The following NUCKS1 variants were observed in gnomAD, a reference collection of about 807,000 sequenced individuals.
The protein encoded by NUCKS1 is nuclear casein kinase and cyclin dependent kinase substrate 1, also known as nuclear ubiquitous casein and cyclin-dependent kinase substrate 1.
In NUCKS1, 2 loss-of-function variants were observed where a neutral mutation model predicts 33.0. That is an observed-to-expected ratio of 0.06 (90% confidence interval 0.02 to 0.19). NUCKS1 has a LOEUF of 0.19. Among genes scored for constraint, NUCKS1 ranks in the 10% least tolerant of loss-of-function variants. NUCKS1 has a pLI of 1.00. For missense variants in NUCKS1, 201 were observed against 293.6 expected, an observed-to-expected ratio of 0.68 and a Z score of 2.31; for synonymous variants, 106 against 102.8, an observed-to-expected ratio of 1.03 and a Z score of -0.19.
chr1:205,742,506 G>C (rs1259193939), intron 1 of NUCKS1, among the ~76,000 whole-genome samples: 1 of 152,160 alleles, frequency 6.6e-6, no homozygotes. Flanking sequence ...TTTGACCGAA[G>C]TGGTCTTGTG....
rs972556139 is a variant in NUCKS1, at chr1:205,738,478, G to C, written c.18-8857C>G. Among the ~76,000 whole-genome samples the C allele has an allele frequency of 2.7e-5, 4 of 148,264 alleles. No individual in the cohort carries two copies. In the South Asian group the frequency reaches 8.4e-4, roughly 31 times the overall value. The stretch of plus-strand genomic sequence containing the variant: ...TTTTTGTAGACAGGTTGCCCAGGCT[G>C]GTCTCCAACTCCTGGGCTCATGCAA... On this transcript the variant is annotated intron_variant, in intron 1 of 6. Transcript: ENST00000367142.
In NUCKS1 at chr1:205,717,048, T is replaced by G. The variant is rs1671833998; in HGVS notation, c.*1232A>C. The G allele has an allele frequency of 6.6e-6, 1 of 152,482 alleles. No homozygotes were observed. Among genetic ancestry groups the G allele is most frequent in the African/African-American group, 2.4e-5 (1 of 41,442 alleles). 9.4% of individuals were successfully genotyped at this position (152,482 alleles called of 1,614,324 possible). On this transcript the variant is annotated 3_prime_UTR_variant, in exon 7 of 7. Coordinates refer to ENST00000367142, the MANE Select transcript of NUCKS1 (RefSeq NM_022731.5). ...ATAGGGCCAGGAAAATAGTGTCCTA[T>G]AGCAGAGGTGGTTGGCACTCGGGGT...
chr1:205,717,932 C>A lies in NUCKS1; in HGVS notation c.*348G>T. ...GTTCATCTCAAATCTTATTGCTTTA[C>A]AACCGTGGTACACCTTTCATTAAAA... On this transcript the variant is annotated 3_prime_UTR_variant, in exon 7 of 7. Coordinates refer to ENST00000367142, the MANE Select transcript of NUCKS1 (RefSeq NM_022731.5). 1 of 999,030 alleles carries A rather than the reference C, an allele frequency of 1.0e-6. No homozygotes were observed. Among genetic ancestry groups the A allele is most frequent in the Non-Finnish European group, 1.2e-6 (1 of 839,320 alleles). 61.9% of individuals were successfully genotyped at this position (999,030 alleles called of 1,614,324 possible). A position where few individuals can be genotyped will look rare whatever the true frequency, so the allele number is the denominator to read the frequency against.
In NUCKS1 at chr1:205,713,545, T is replaced by C. The variant is rs1229049841; in HGVS notation, c.*4735A>G. 4 of 152,208 alleles carry C rather than the reference T, an allele frequency of 2.6e-5. No individual in the cohort carries two copies. Among genetic ancestry groups the C allele is most frequent in the Non-Finnish European group, 5.9e-5 (4 of 68,030 alleles). 9.4% of individuals were successfully genotyped at this position (152,208 alleles called of 1,614,324 possible). ...AGTATCACAAAAGACCATCACACGA[T>C]TCTACCAATGCATGTTGCATCTGTA... On this transcript the variant is annotated 3_prime_UTR_variant, in exon 7 of 7. Transcript: ENST00000367142.
intron 4 of NUCKS1, among the ~76,000 whole-genome samples, chr1:205,723,089 A>G (rs1671950078): frequency 6.6e-6 from 1 of 152,242 alleles, no homozygotes. Context: ...AGATAGTGCA[A>G]AAGATTAATA....
intron 1 of NUCKS1, among the ~76,000 whole-genome samples, chr1:205,733,327 G>GTT (rs1363937934): frequency 6.6e-6 from 1 of 151,602 alleles, no homozygotes; most frequent in Non-Finnish European, 1.5e-5. Flanking sequence ...GGGCTTTGAT[G>GTT]TGAAAGGAGT....
Position 205,718,329 on chromosome 1 carries a change from T to C in NUCKS1, c.683A>G (p.Lys228Arg), listed in dbSNP as rs942346018. The C allele has an allele frequency of 1.9e-5, 30 of 1,613,750 alleles. No individual in the cohort carries two copies. The highest frequency in any genetic ancestry group is 2.5e-5 in the Non-Finnish European group (30 of 1,179,944). ...ATCTTCAGACCCTTCATCCCCAGATTTCTCGGGTGGGGGGCTTGTAGATGT... is the reference window on the plus strand; with the variant it reads ...ATCTTCAGACCCTTCATCCCCAGATCTCTCGGGTGGGGGGCTTGTAGATGT... ...KKTSTSPPPE[K>R]SGDEGSEDEA... is the part of the protein sequence containing the mutation. The change falls in exon 7 of 7, where the codon AAA becomes AGA. Residue 228 changes from lysine (K) to arginine (R), a missense_variant. Coordinates refer to ENST00000367142, the MANE Select transcript of NUCKS1 (RefSeq NM_022731.5).
chr1:205,724,702 C>T (rs956499869), intron 3 of NUCKS1, among the ~76,000 whole-genome samples: 2 of 151,448 alleles, frequency 1.3e-5, no homozygotes, highest in Non-Finnish European at 1.5e-5. Context: ...CCCACCCCCC[C>T]CAAAAAAAGG....
intron 1 of NUCKS1, among the ~76,000 whole-genome samples, chr1:205,749,642 C>T (rs1417730236): frequency 1.3e-5 from 2 of 152,060 alleles, no homozygotes; most frequent in Non-Finnish European, 2.9e-5. Flanking sequence ...GCGCTGACTT[C>T]ACACCCCTCC....
At chr1:205,733,306 T>C (rs1428190460) in intron 1 of NUCKS1, among the ~76,000 whole-genome samples, 1 of 152,168 alleles carries the variant, frequency 6.6e-6, no homozygotes, top group Non-Finnish European at 1.5e-5. Flanking sequence ...GAAAACATGT[T>C]AGCTACTTTA....
At position 205,718,085 on chromosome 1, in the gene NUCKS1, TAAAAA is replaced by T. The variant is rs78311899; in HGVS notation, c.*190_*194del. ...CACTTACACATACAATGGTTTGCTT[TAAAAA>T]AAAAAAAAAAAAAAGAGAGAGAGAG... On this transcript the variant is annotated 3_prime_UTR_variant, in exon 7 of 7. Coordinates refer to ENST00000367142, the MANE Select transcript of NUCKS1 (RefSeq NM_022731.5). 13 of 1,020,290 alleles carry T rather than the reference TAAAAA, an allele frequency of 1.3e-5. No individual in the cohort carries two copies. The highest frequency in any genetic ancestry group is 5.6e-5 in the Admixed American group (1 of 17,948). The allele number at this position is 1,020,290 out of a possible 1,614,324, so 63.2% of individuals were successfully genotyped here. A position where few individuals can be genotyped will look rare whatever the true frequency, so the allele number is the denominator to read the frequency against.
intron 1 of NUCKS1, among the ~76,000 whole-genome samples, chr1:205,734,826 T>C (rs906280784): frequency 3.3e-5 from 5 of 152,032 alleles, no homozygotes; most frequent in Admixed American, 1.3e-4. Context: ...ACCCGGAAGG[T>C]GGAGGTTACA....
chr1:205,725,802 G>A (rs1653756524), intron 3 of NUCKS1, among the ~76,000 whole-genome samples: 1 of 152,200 alleles, frequency 6.6e-6, no homozygotes, highest in African/African-American at 2.4e-5. Context: ...TAAGCTAGAT[G>A]TTAATTATGT....
rs902846160 is a variant in NUCKS1 at position 205,730,616 on chromosome 1, G to C, written c.18-995C>G. ...CGATTCTCCTGCTTCAGCCTCCCGAGTAGCTGAGATTACAGGCGTGTGCCA... is the reference window on the plus strand; with the variant it reads ...CGATTCTCCTGCTTCAGCCTCCCGACTAGCTGAGATTACAGGCGTGTGCCA... On this transcript the variant is annotated intron_variant, in intron 1 of 6. Transcript: ENST00000367142. 4.0e-5 allele frequency among the ~76,000 whole-genome samples: 6 copies of C among 151,788 alleles called. No individual in the cohort carries two copies. In the East Asian group the frequency reaches 1.2e-3, roughly 30 times the overall value.
chr1:205,736,384 T>C (rs1435302567), intron 1 of NUCKS1, among the ~76,000 whole-genome samples: 1 of 152,102 alleles, frequency 6.6e-6, no homozygotes, highest in Non-Finnish European at 1.5e-5. Context: ...GTGGGAGATA[T>C]GGTGGTGCTG....
intron 3 of NUCKS1, among the ~76,000 whole-genome samples, chr1:205,725,062 A>G (rs1653702626): frequency 6.6e-6 from 1 of 152,178 alleles, no homozygotes; most frequent in African/African-American, 2.4e-5. Context: ...TATTTTTAAA[A>G]ATAGAGATGG....
intron 1 of NUCKS1, among the ~76,000 whole-genome samples, chr1:205,745,607 G>A (rs1654301447): frequency 1.3e-5 from 2 of 152,114 alleles, no homozygotes; most frequent in Admixed American, 1.3e-4. Flanking sequence ...AATGTGTATG[G>A]AATGTATTCA....
intron 1 of NUCKS1, among the ~76,000 whole-genome samples, 189 bp downstream of exon 1, chr1:205,749,756 GGGGCGCGCGCAC>G (rs1211917260): frequency 6.6e-6 from 1 of 151,228 alleles, no homozygotes; most frequent in Non-Finnish European, 1.5e-5. Flanking sequence ...GGGGCGGGGA[GGGGCGCGCGCAC>G]GGGCGCGCAG....
chr1:205,733,020 T>A (rs974680155), intron 1 of NUCKS1, among the ~76,000 whole-genome samples: 1 of 152,002 alleles, frequency 6.6e-6, no homozygotes, highest in East Asian at 1.9e-4. Flanking sequence ...ATAAAAAAAA[T>A]GGGTCATAGA....
Sources: allele counts gnomAD v4.1 joint callset (sites outside exome capture counted in the v4.1 genomes callset), GRCh38; gene constraint gnomAD v4.1.1; transcripts MANE v1.5; gene names NCBI Gene and HGNC (gene_info 2026-07-23, HGNC 2026-07-21).